The following ABTB3 variants were observed in gnomAD, a reference collection of about 807,000 sequenced individuals.
ABTB3 encodes ankyrin repeat- and BTB/POZ domain-containing protein 3.
chr12:107,333,897 G>C, the ABTB3 span, among the ~76,000 whole-genome samples: 1 of 152,170 alleles, frequency 6.6e-6, no homozygotes, highest in Non-Finnish European at 1.5e-5. Context: ...ATGATAACAT[G>C]GTCAGGGTAG....
chr12:107,511,367 A>C, the ABTB3 span, among the ~76,000 whole-genome samples: 1 of 152,186 alleles, frequency 6.6e-6, no homozygotes, highest in Non-Finnish European at 1.5e-5. Context: ...ACCATTTTCT[A>C]TTGCTCAGTG....
chr12:107,626,547 A>C, the ABTB3 span, among the ~76,000 whole-genome samples: 9 of 151,670 alleles, frequency 5.9e-5, no homozygotes, highest in African/African-American at 2.2e-4. Context: ...ATGGGGTTTC[A>C]CTTTGTTAGC....
At chr12:107,580,390 T>C in the ABTB3 span, among the ~76,000 whole-genome samples, 45 of 152,346 alleles carry the variant, frequency 3.0e-4, no homozygotes, top group African/African-American at 9.4e-4. Context: ...GCCCTTCAGT[T>C]GTAGGCATTG....
chr12:107,343,140 A>G, the ABTB3 span, among the ~76,000 whole-genome samples: 21 of 152,008 alleles, frequency 1.4e-4, no homozygotes, highest in African/African-American at 5.1e-4. Flanking sequence ...TCAGCCTCCC[A>G]AGTAGCTGGG....
the ABTB3 span, among the ~76,000 whole-genome samples, chr12:107,569,084 T>C: frequency 6.6e-6 from 1 of 152,182 alleles, no homozygotes; most frequent in Admixed American, 6.5e-5. Flanking sequence ...TAGAATATCA[T>C]CTTCTCAAAG....
chr12:107,530,674 C>T, the ABTB3 span, among the ~76,000 whole-genome samples: 1 of 152,162 alleles, frequency 6.6e-6, no homozygotes, highest in Non-Finnish European at 1.5e-5. Context: ...TCTATGTAAT[C>T]ATCTTTAACG....
the ABTB3 span, among the ~76,000 whole-genome samples, chr12:107,514,109 T>C: frequency 6.6e-6 from 1 of 152,240 alleles, no homozygotes; most frequent in South Asian, 2.1e-4. Context: ...CCCTCTTTGC[T>C]GATGCAGAAG....
the ABTB3 span, among the ~76,000 whole-genome samples, chr12:107,381,454 G>A: frequency 5.3e-5 from 8 of 152,214 alleles, no homozygotes; most frequent in Non-Finnish European, 1.2e-4. Flanking sequence ...CTAATGAAGG[G>A]CTGCCTACAC....
chr12:107,633,053 A>G, the ABTB3 span, among the ~76,000 whole-genome samples: 1 of 152,194 alleles, frequency 6.6e-6, no homozygotes, highest in Admixed American at 6.5e-5. Flanking sequence ...GCTCGCCCAG[A>G]TAATCCAGGA....
chr12:107,608,474 C>T, the ABTB3 span, among the ~76,000 whole-genome samples: 1 of 152,188 alleles, frequency 6.6e-6, no homozygotes, highest in Non-Finnish European at 1.5e-5. Context: ...AACAGTGAAA[C>T]CTCCATGTTT....
the ABTB3 span, among the ~76,000 whole-genome samples, chr12:107,382,362 T>A: frequency 2.0e-5 from 3 of 152,196 alleles, no homozygotes; most frequent in Non-Finnish European, 4.4e-5. Context: ...GCAAAGCCAC[T>A]AGATGTTTCT....
the ABTB3 span, among the ~76,000 whole-genome samples, chr12:107,362,805 A>T: frequency 6.6e-6 from 1 of 151,878 alleles, no homozygotes; most frequent in Non-Finnish European, 1.5e-5. Flanking sequence ...AAAAAAAAAG[A>T]TAGCTAATTT....
the ABTB3 span, among the ~76,000 whole-genome samples, chr12:107,645,707 C>T: frequency 4.6e-5 from 7 of 152,174 alleles, no homozygotes; most frequent in African/African-American, 1.4e-4. Flanking sequence ...AAGAACTTGG[C>T]TCGTAGTAGG....
chr12:107,502,969 G>T, the ABTB3 span, among the ~76,000 whole-genome samples: 1 of 152,178 alleles, frequency 6.6e-6, no homozygotes. Flanking sequence ...TTGAAGTACA[G>T]TAAGGCCAAT....
the ABTB3 span, among the ~76,000 whole-genome samples, chr12:107,594,063 C>G: frequency 6.6e-6 from 1 of 152,236 alleles, no homozygotes; most frequent in South Asian, 2.1e-4. Context: ...AGCAAACAGT[C>G]TCTGCCAGAG....
the ABTB3 span, among the ~76,000 whole-genome samples, chr12:107,530,562 A>G: frequency 1.2e-4 from 19 of 152,210 alleles, no homozygotes; most frequent in African/African-American, 4.6e-4. Context: ...CTTAGTACAT[A>G]GTTTTTAATA....
chr12:107,417,070 A>C, the ABTB3 span, among the ~76,000 whole-genome samples: 1 of 152,164 alleles, frequency 6.6e-6, no homozygotes, highest in Non-Finnish European at 1.5e-5. Flanking sequence ...TAGCAACTGA[A>C]TTTTCCCTGC....
At chr12:107,432,221 TACTGAC>T in the ABTB3 span, among the ~76,000 whole-genome samples, 1 of 152,136 alleles carries the variant, frequency 6.6e-6, no homozygotes, top group Non-Finnish European at 1.5e-5. Context: ...AGCCAGGTGA[TACTGAC>T]AGTGGAAAGC....
the ABTB3 span, among the ~76,000 whole-genome samples, chr12:107,586,144 T>TGCAGGG: frequency 1.3e-5 from 2 of 152,262 alleles, no homozygotes; most frequent in East Asian, 3.9e-4. Context: ...CTCAGGACGT[T>TGCAGGG]GCAGGGGCAG....
Sources: allele counts gnomAD v4.1 joint callset (sites outside exome capture counted in the v4.1 genomes callset), GRCh38; gene constraint gnomAD v4.1.1; transcripts MANE v1.5; gene names NCBI Gene and HGNC (gene_info 2026-07-23, HGNC 2026-07-21).